Variants in UNC13A observed in about 807,000 individuals in gnomAD.
UNC13A encodes protein unc-13 homolog A.
UNC13A carries 61 observed loss-of-function variants against 219.7 expected under a neutral mutation model. The observed-to-expected ratio is 0.28, with a 90% CI of 0.23 to 0.34. The LOEUF is 0.34. UNC13A is among the 10% of genes least tolerant of loss of function. UNC13A has a pLI of 1.00. For missense variants in UNC13A, 1,476 were observed against 2,270.3 expected, an observed-to-expected ratio of 0.65 and a Z score of 7.11; for synonymous variants, 920 against 884.6, an observed-to-expected ratio of 1.04 and a Z score of -0.71.
At chr19:17,630,930 G>T (rs1194970460) in intron 28 of UNC13A, among the ~76,000 whole-genome samples, 180 bp from the exon 29 acceptor site, 1 of 151,756 alleles carries the variant, frequency 6.6e-6, no homozygotes, top group East Asian at 1.9e-4. Context: ...CAGTTACTTT[G>T]CTCATGAAAT....
chr19:17,660,007 C>T (rs1277096414), intron 8 of UNC13A, among the ~76,000 whole-genome samples: 1 of 152,134 alleles, frequency 6.6e-6, no homozygotes, highest in Non-Finnish European at 1.5e-5. Context: ...GAGATCCTCG[C>T]ATCTCAGCCT....
rs2076470295 is a variant in UNC13A, at chr19:17,602,079, GT to G, written c.*3974del. ...CCAAGGATTTCTAGTTGGGTGTTTA[GT>G]TTTTTGCATCTCTGATGGGGGCATG... is the stretch of plus-strand genomic sequence containing the variant. On this transcript the variant is annotated 3_prime_UTR_variant, in exon 44 of 44. Coordinates refer to ENST00000519716, the MANE Select transcript of UNC13A (RefSeq NM_001080421.3). 3 of 152,520 alleles carry G rather than the reference GT, an allele frequency of 2.0e-5. No homozygotes were observed. The highest frequency in any genetic ancestry group is 4.4e-5 in the Non-Finnish European group (3 of 68,058). The allele number at this position is 152,520 out of a possible 1,614,324, so 9.4% of individuals were successfully genotyped here.
At chr19:17,662,687 A>G (rs1404509411) in intron 8 of UNC13A, among the ~76,000 whole-genome samples, 1 of 152,104 alleles carries the variant, frequency 6.6e-6, no homozygotes, top group East Asian at 1.9e-4. Flanking sequence ...TTGGGAGGCC[A>G]AGGCAGGTGG....
At chr19:17,680,902 T>TTC (rs1568275970) in intron 1 of UNC13A, among the ~76,000 whole-genome samples, 4 of 111,210 alleles carry the variant, frequency 3.6e-5, no homozygotes, top group Non-Finnish European at 7.5e-5. Flanking sequence ...TTTTTTTTTT[T>TTC]TTTTTTTTTT....
At chr19:17,610,916 C>A (rs1268463319) in intron 42 of UNC13A, among the ~76,000 whole-genome samples, 2 of 152,064 alleles carry the variant, frequency 1.3e-5, no homozygotes, top group Non-Finnish European at 2.9e-5. Context: ...GCCTGCAATC[C>A]CAGCGACTCC....
Position 17,627,707 on chromosome 19 carries a change from G to A in UNC13A, c.3832-110C>T. 1 of 1,249,548 alleles carries A rather than the reference G, an allele frequency of 8.0e-7. No individual in the cohort carries two copies. The highest frequency in any genetic ancestry group is 1.1e-6 in the Non-Finnish European group (1 of 881,640). 77.4% of individuals were successfully genotyped at this position (1,249,548 alleles called of 1,614,324 possible). A position where few individuals can be genotyped will look rare whatever the true frequency, so the allele number is the denominator to read the frequency against. ...ATCCCAAGGGGCTGCAGGGGAAACT[G>A]AGGCACAGACCGTTATGCTGCAAGC... On this transcript the variant is annotated intron_variant, in intron 32 of 43. Coordinates refer to ENST00000519716, the MANE Select transcript of UNC13A (RefSeq NM_001080421.3). The surrounding 1 kb of genome is among the most constrained non-coding windows in gnomAD (Gnocchi z 4.7).
intron 6 of UNC13A, 81 bp from the exon 7 acceptor site, chr19:17,666,785 C>G: frequency 8.8e-7 from 1 of 1,139,270 alleles, no homozygotes; most frequent in Non-Finnish European, 1.2e-6. Flanking sequence ...CTGTTCTGTC[C>G]CATCCCGACT....
At chr19:17,663,771 A>G (rs57251261) in intron 7 of UNC13A, among the ~76,000 whole-genome samples, 47,627 of 151,558 alleles carry the variant, frequency 0.31, 7,725 homozygotes, top group Middle Eastern at 0.38. Flanking sequence ...AAGGTGGGAT[A>G]TCCCTGTTTG....
chr19:17,672,304 T>G, intron 4 of UNC13A, 74 bp downstream of exon 4: 1 of 1,192,842 alleles, frequency 8.4e-7, no homozygotes, highest in Admixed American at 2.0e-5. Context: ...AATGCCCATC[T>G]TGTTTAGTCC....
At chr19:17,616,358 AGGCACCGG>A in intron 41 of UNC13A, 2 of 680,722 alleles carry the variant, frequency 2.9e-6, no homozygotes, top group Non-Finnish European at 5.4e-6. Flanking sequence ...GGAGGGGCGC[AGGCACCGG>A]GCACCAGGCG....
At chr19:17,634,587 G>A (rs1462153628) in intron 26 of UNC13A, among the ~76,000 whole-genome samples, 2 of 152,026 alleles carry the variant, frequency 1.3e-5, no homozygotes, top group Non-Finnish European at 1.5e-5. Flanking sequence ...TGATCCTCCC[G>A]CCTCGGCCTC....
chr19:17,664,324 C>A (rs1416060324), intron 7 of UNC13A, among the ~76,000 whole-genome samples: 2 of 152,144 alleles, frequency 1.3e-5, no homozygotes, highest in African/African-American at 4.8e-5. Flanking sequence ...ATGGGTGAAA[C>A]TATGGGGCTC....
chr19:17,649,587 G>T lies in UNC13A; in HGVS notation c.1440C>A (p.Gly480=), dbSNP rs769953092. The change falls in exon 13 of 44, where the codon GGC becomes GGA. Residue 480 remains glycine (G), a splice_region_variant and synonymous_variant. Coordinates refer to ENST00000519716, the MANE Select transcript of UNC13A (RefSeq NM_001080421.3). This position sits in a 1 kb window ranked among gnomAD's most constrained non-coding sequence, Gnocchi z 4.4. The stretch of plus-strand genomic sequence containing the variant: ...CGATGATGATGAGACCGCCCCCTGG[G>T]CTGAAAGACACAGAGGGACACTGAG... The part of the protein sequence containing the change: ...EMSKSLWFKG[G]PGGGLIIIDS... 2.5e-6 allele frequency: 4 copies of T among 1,613,746 alleles called. No homozygotes were observed. The African/African-American group carries it at 5.3e-5, about 22-fold the overall frequency.
Position 17,636,169 on chromosome 19 carries a change from A to G in UNC13A, c.3082-12T>C. On this transcript the variant is annotated splice_polypyrimidine_tract_variant and intron_variant, in intron 25 of 43. Transcript: ENST00000519716. ...TCCCCCTTCTTGGCCTGAAATGGAC[A>G]GTGGAGACCTCGGTTATAGGGGGTC... 1 of 1,587,584 alleles carries G rather than the reference A, an allele frequency of 6.3e-7. No homozygotes were observed. Among genetic ancestry groups the G allele is most frequent in the Non-Finnish European group, 8.6e-7 (1 of 1,165,638 alleles).
rs779863348 is a variant in UNC13A at position 17,672,465 on chromosome 19, C to T, written c.183G>A (p.Thr61=). Residue 61 remains threonine (T), a synonymous_variant, in exon 4 of 44, where the codon ACG becomes ACA. Transcript: ENST00000519716. Reference sequence around the variant, plus strand: ...TGAGACCCTTATTCCACACCTCCACCGTCAGTCCCAAATCCAGACGGTTAA... The same window carrying T: ...TGAGACCCTTATTCCACACCTCCACTGTCAGTCCCAAATCCAGACGGTTAA... ...FEINRLDLGL[T]VEVWNKGLIW... 3.3e-5 allele frequency: 54 copies of T among 1,613,708 alleles called. No individual in the cohort carries two copies. The Admixed American group carries it at 5.8e-4, about 17-fold the overall frequency.
Position 17,641,398 on chromosome 19 carries a change from G to A in UNC13A, c.2631C>T (p.Ala877=), listed in dbSNP as rs770081797. ...MRYGVESIYQ[A]MTHFACLSSK... ...ACCCCAGCCTGCAGTCTCACGTCAT[G>A]GCTTGGTAGATGGACTCGACGCCGT... The change falls in exon 21 of 44, where the codon GCC becomes GCT. Residue 877 remains alanine, a synonymous_variant. Coordinates refer to ENST00000519716, the MANE Select transcript of UNC13A (RefSeq NM_001080421.3). 5 of 1,613,904 alleles carry A rather than the reference G, an allele frequency of 3.1e-6. No homozygotes were observed. Among genetic ancestry groups the A allele is most frequent in the African/African-American group, 2.7e-5 (2 of 75,028 alleles).
In UNC13A at chr19:17,655,371, C is replaced by T; in HGVS notation, c.1295G>A (p.Arg432Lys). Residue 432 changes from arginine (R) to lysine (K), a missense_variant, in exon 11 of 44, where the codon AGA (arginine) becomes AAA (lysine). Transcript: ENST00000519716. ...PPKDEESFRP[R>K]EDEEGQEGQD... ...CCCCTCCTGGCCTTCCTCATCCTCT[C>T]TCGGCCTGAAACTGAGGCAGGGAAC... 6.3e-7 allele frequency: 1 copy of T among 1,582,498 alleles called. No homozygotes were observed. Among genetic ancestry groups the T allele is most frequent in the East Asian group, 2.3e-5 (1 of 43,420 alleles).
chr19:17,651,818 G>C (rs1452505727), intron 12 of UNC13A, among the ~76,000 whole-genome samples: 3 of 152,116 alleles, frequency 2.0e-5, no homozygotes, highest in Admixed American at 6.5e-5. Context: ...CTCCCTGCCT[G>C]TTTGCCAAGG....
Position 17,640,559 on chromosome 19 carries a change from G to T in UNC13A, c.2739C>A (p.Ala913=). Residue 913 remains alanine, a synonymous_variant, in exon 22 of 44, where the codon GCC becomes GCA. Coordinates refer to ENST00000519716, the MANE Select transcript of UNC13A (RefSeq NM_001080421.3). The part of the protein sequence containing the change: ...NINAYYAHTT[A]STNVSASDRF... ...GGTCGGAGGCAGACACGTTGGTGGA[G>T]GCGGTGGTGTGTGCGTAGTAGGCAT... The T allele has an allele frequency of 1.3e-6, 2 of 1,557,704 alleles. No homozygotes were observed. The highest frequency in any genetic ancestry group is 2.4e-5 in the East Asian group (1 of 41,668).
Sources: allele counts gnomAD v4.1 joint callset (sites outside exome capture counted in the v4.1 genomes callset), GRCh38; gene constraint gnomAD v4.1.1; non-coding constraint Gnocchi (gnomAD v3.1); transcripts MANE v1.5; gene names NCBI Gene and HGNC (gene_info 2026-07-23, HGNC 2026-07-21).